The following PEX14 variants were observed in gnomAD, a reference collection of about 807,000 sequenced individuals.
PEX14 encodes the protein peroxisomal biogenesis factor 14, also known as peroxisomal membrane protein PEX14.
Under a neutral mutation model 49.5 loss-of-function variants are expected in PEX14, and 15 were observed. The observed-to-expected ratio is 0.30, with a 90% CI of 0.20 to 0.47. The LOEUF (loss-of-function observed/expected upper bound fraction) is 0.47, where lower values mean the gene tolerates loss of function less well. Ranked by LOEUF, PEX14 falls within the 20% of genes least tolerant of loss-of-function variation. The pLI is 1.00. For synonymous variants in PEX14, 210 were observed against 212.7 expected, an observed-to-expected ratio of 0.99 and a Z score of 0.11; for missense variants, 398 against 494.8, an observed-to-expected ratio of 0.80 and a Z score of 1.86.
intron 3 of PEX14, among the ~76,000 whole-genome samples, chr1:10,555,524 G>T (rs1024098783): frequency 6.6e-6 from 1 of 152,188 alleles, no homozygotes; most frequent in African/African-American, 2.4e-5. Context: ...AGAATGTGCT[G>T]CATATGTGAG....
chr1:10,531,469 T>C (rs1193431699), intron 2 of PEX14, among the ~76,000 whole-genome samples: 1 of 152,210 alleles, frequency 6.6e-6, no homozygotes, highest in Non-Finnish European at 1.5e-5. Context: ...AACAGGATTC[T>C]GGGTATCTAC....
chr1:10,486,415 C>CA lies in PEX14; in HGVS notation c.37-8858dup, dbSNP rs367745736. ...TGTTTTGAGGCCAGGCACAGTGGCT[C>CA]ACGCCTGTAATCCCAGCACTTTGGG... On this transcript the variant is annotated intron_variant, in intron 1 of 8. Coordinates refer to ENST00000356607, the MANE Select transcript of PEX14 (RefSeq NM_004565.3). Among the ~76,000 whole-genome samples the CA allele has an allele frequency of 2.6e-3, 381 of 148,040 alleles. 1 individual carries two copies. The highest frequency in any genetic ancestry group is 8.9e-3 in the African/African-American group (356 of 40,136).
intron 2 of PEX14, among the ~76,000 whole-genome samples, chr1:10,530,344 G>A (rs992531980): frequency 9.2e-5 from 14 of 152,220 alleles, no homozygotes; most frequent in African/African-American, 3.1e-4. Context: ...TTTTCATTCT[G>A]TTTCATCTTG....
chr1:10,527,359 A>G (rs1225008351), intron 2 of PEX14, among the ~76,000 whole-genome samples: 1 of 151,332 alleles, frequency 6.6e-6, no homozygotes, highest in African/African-American at 2.4e-5. Flanking sequence ...TCTACTAAAA[A>G]TACAAAAATT....
At chr1:10,528,707 A>G (rs1384367118) in intron 2 of PEX14, among the ~76,000 whole-genome samples, 2 of 152,260 alleles carry the variant, frequency 1.3e-5, no homozygotes, top group African/African-American at 2.4e-5. Context: ...AAGAAGGAGC[A>G]GTCAAGGAGC....
intron 3 of PEX14, among the ~76,000 whole-genome samples, chr1:10,578,901 G>C (rs1328140021): frequency 2.0e-5 from 3 of 152,040 alleles, no homozygotes; most frequent in African/African-American, 7.2e-5. Flanking sequence ...AAAATAGCTG[G>C]AATAAAAATA....
intron 4 of PEX14, among the ~76,000 whole-genome samples, chr1:10,614,795 G>T (rs973024468): frequency 6.6e-6 from 1 of 152,236 alleles, no homozygotes; most frequent in Non-Finnish European, 1.5e-5. Context: ...AGGCCCTCCT[G>T]AGCAGGGACT....
chr1:10,578,756 G>A (rs149656994), intron 3 of PEX14, among the ~76,000 whole-genome samples: 45 of 152,248 alleles, frequency 3.0e-4, no homozygotes, highest in African/African-American at 1.1e-3. Flanking sequence ...GTAAATCTTA[G>A]AACTGAAAAA....
At chr1:10,521,048 G>A (rs1315233026) in intron 2 of PEX14, among the ~76,000 whole-genome samples, 2 of 150,036 alleles carry the variant, frequency 1.3e-5, no homozygotes, top group Non-Finnish European at 3.0e-5. Flanking sequence ...TTGGAAACAG[G>A]AAAACTATCC....
chr1:10,589,738 A>G (rs1260775503), intron 3 of PEX14, among the ~76,000 whole-genome samples: 1 of 152,090 alleles, frequency 6.6e-6, no homozygotes, highest in Non-Finnish European at 1.5e-5. Context: ...TTACTACATT[A>G]TTTTATTATT....
At chr1:10,540,049 G>T (rs535318908) in intron 3 of PEX14, among the ~76,000 whole-genome samples, 2 of 152,120 alleles carry the variant, frequency 1.3e-5, no homozygotes, top group Non-Finnish European at 2.9e-5. Flanking sequence ...CCTCATCCAA[G>T]AAATGGTCCT....
chr1:10,536,459 G>C, intron 3 of PEX14, 162 bp downstream of exon 3: 1 of 661,582 alleles, frequency 1.5e-6, no homozygotes, highest in Non-Finnish European at 2.8e-6. Flanking sequence ...GGGCATGCAG[G>C]TTTCTTTCCT....
At chr1:10,584,976 G>A (rs1407598058) in intron 3 of PEX14, among the ~76,000 whole-genome samples, 1 of 152,080 alleles carries the variant, frequency 6.6e-6, no homozygotes, top group Non-Finnish European at 1.5e-5. Context: ...AGGGGTGGAG[G>A]GAAAGTTATA....
intron 3 of PEX14, 53 bp from the exon 4 acceptor site, chr1:10,599,185 C>G: frequency 1.3e-6 from 2 of 1,590,684 alleles, no homozygotes; most frequent in Admixed American, 3.3e-5. Context: ...TCTGTTGCAG[C>G]TATGGACACT....
chr1:10,488,675 T>G (rs1176337472), intron 1 of PEX14, among the ~76,000 whole-genome samples: 1 of 151,652 alleles, frequency 6.6e-6, no homozygotes, highest in Admixed American at 6.6e-5. Context: ...AATTTTTTTT[T>G]TGTATTTTTA....
chr1:10,597,327 A>G lies in PEX14; in HGVS notation c.170-1911A>G, dbSNP rs17035406. Among the ~76,000 whole-genome samples the G allele has an allele frequency of 0.028, 4,232 of 152,286 alleles. 193 individuals are homozygous for G. Among genetic ancestry groups the G allele is most frequent in the African/African-American group, 0.095 (3,958 of 41,538 alleles). ...TTTCTTCTCTAATGGCTGATTATGAACTGGTTAAAACAATGTCTTTCCCAC... is the reference window on the plus strand; with the variant it reads ...TTTCTTCTCTAATGGCTGATTATGAGCTGGTTAAAACAATGTCTTTCCCAC... On this transcript the variant is annotated intron_variant, in intron 3 of 8. Coordinates refer to ENST00000356607, the MANE Select transcript of PEX14 (RefSeq NM_004565.3). This position sits in a 1 kb window ranked among gnomAD's most constrained non-coding sequence, Gnocchi z 5.7.
In PEX14 at chr1:10,630,109, C is replaced by A. The variant is rs1641880210; in HGVS notation, c.*122C>A. Reference sequence around the variant, plus strand: ...GAGCCCAGGTAGGGGGCAGAGCTGTCCTCAGCTGCACTGCGGCCTGGTGGC... The same window carrying A: ...GAGCCCAGGTAGGGGGCAGAGCTGTACTCAGCTGCACTGCGGCCTGGTGGC... On this transcript the variant is annotated 3_prime_UTR_variant, in exon 9 of 9. Coordinates refer to ENST00000356607, the MANE Select transcript of PEX14 (RefSeq NM_004565.3). This position sits in a 1 kb window ranked among gnomAD's most constrained non-coding sequence, Gnocchi z 4.1. 6.8e-7 allele frequency: 1 copy of A among 1,468,904 alleles called. No homozygotes were observed. Among genetic ancestry groups the A allele is most frequent in the East Asian group, 2.4e-5 (1 of 42,024 alleles). The allele number at this position is 1,468,904 out of a possible 1,614,324, so 91.0% of individuals were successfully genotyped here.
At chr1:10,588,616 C>T (rs1188756751) in intron 3 of PEX14, among the ~76,000 whole-genome samples, 3 of 152,174 alleles carry the variant, frequency 2.0e-5, no homozygotes, top group Non-Finnish European at 4.4e-5. Context: ...AGATGTGGAT[C>T]ATCCCTTTGT....
intron 3 of PEX14, among the ~76,000 whole-genome samples, chr1:10,556,014 C>T (rs1238924655): frequency 6.7e-6 from 1 of 148,418 alleles, no homozygotes; most frequent in Non-Finnish European, 1.5e-5. Context: ...GGTGGGCTGG[C>T]ACTGCGGAGC....
Sources: allele counts gnomAD v4.1 joint callset (sites outside exome capture counted in the v4.1 genomes callset), GRCh38; gene constraint gnomAD v4.1.1; non-coding constraint Gnocchi (gnomAD v3.1); transcripts MANE v1.5; gene names NCBI Gene and HGNC (gene_info 2026-07-23, HGNC 2026-07-21).